The following ABCG2 variants were observed in gnomAD, a reference collection of about 807,000 sequenced individuals.
ABCG2 encodes the protein broad substrate specificity ATP-binding cassette transporter ABCG2.
Under a neutral mutation model 73.5 loss-of-function variants are expected in ABCG2, and 80 were observed. The observed-to-expected ratio is 1.09, with a 90% CI of 0.91 to 1.31. The LOEUF (loss-of-function observed/expected upper bound fraction) is 1.31, where lower values mean the gene tolerates loss of function less well. Ranked by LOEUF, ABCG2 falls within the 50% of genes most tolerant of loss-of-function variation. The pLI is 0.00. For missense variants in ABCG2, 796 were observed against 786.2 expected, an observed-to-expected ratio of 1.01 and a Z score of -0.15; for synonymous variants, 269 against 282.4, an observed-to-expected ratio of 0.95 and a Z score of 0.48.
intron 1 of ABCG2, among the ~76,000 whole-genome samples, chr4:88,176,472 G>A (rs1727980072): frequency 7.4e-6 from 1 of 134,502 alleles, no homozygotes; most frequent in Non-Finnish European, 1.5e-5. Flanking sequence ...AAACCAAAGA[G>A]AATGCTTTTT....
At chr4:88,140,051 G>A in intron 1 of ABCG2, 37 bp from the exon 2 acceptor site, 1 of 1,533,344 alleles carries the variant, frequency 6.5e-7, no homozygotes, top group Non-Finnish European at 8.9e-7. Flanking sequence ...TGATAGTCCA[G>A]ATAAATGAGA....
At chr4:88,093,140 T>C (rs1721750042) in intron 15 of ABCG2, among the ~76,000 whole-genome samples, 1 of 152,214 alleles carries the variant, frequency 6.6e-6, no homozygotes, top group Non-Finnish European at 1.5e-5. Context: ...TACTGCCTGA[T>C]ACCATTTTTG....
At chr4:88,160,538 G>A (rs904591134), upstream of ABCG2, among the ~76,000 whole-genome samples, 6 of 152,054 alleles carry the variant, frequency 3.9e-5, no homozygotes, top group South Asian at 2.1e-4. Flanking sequence ...ATTATGCAAA[G>A]TAAAAACAAA....
intron 1 of ABCG2, among the ~76,000 whole-genome samples, chr4:88,195,026 A>G (rs4560364): frequency 0.84 from 127,874 of 152,228 alleles, 53,904 homozygotes; most frequent in East Asian, 1. Flanking sequence ...CATCATATGA[A>G]TAAAATGAGT....
rs371105649 is a variant in ABCG2, at chr4:88,228,239, A to G, written c.-20+2755T>C. ...CTAGGGGAACTCTATTTTCTACAGTATCAGCTGCAGGAGTAGACAGCCGGA... is the reference window on the plus strand; with the variant it reads ...CTAGGGGAACTCTATTTTCTACAGTGTCAGCTGCAGGAGTAGACAGCCGGA... On this transcript the variant is annotated intron_variant, in intron 1 of 15. Coordinates refer to the ABCG2 transcript ENST00000515655. Among the ~76,000 whole-genome samples, 8 of 152,288 alleles carry G rather than the reference A, an allele frequency of 5.3e-5. No homozygotes were observed. In the East Asian group the frequency reaches 1.4e-3, roughly 26 times the overall value.
At chr4:88,132,232 G>T (rs1293348296) in intron 3 of ABCG2, among the ~76,000 whole-genome samples, 1 of 152,070 alleles carries the variant, frequency 6.6e-6, no homozygotes, top group Non-Finnish European at 1.5e-5. Context: ...ACTAACACAG[G>T]CAATGTGCTC....
At chr4:88,204,997 C>G (rs1729322715) in intron 1 of ABCG2, among the ~76,000 whole-genome samples, 1 of 152,206 alleles carries the variant, frequency 6.6e-6, no homozygotes, top group Admixed American at 6.5e-5. Context: ...ACCAGACTGT[C>G]TTGAACAACT....
intron 1 of ABCG2, among the ~76,000 whole-genome samples, chr4:88,199,264 T>C (rs1729057032): frequency 6.6e-6 from 1 of 152,102 alleles, no homozygotes; most frequent in Non-Finnish European, 1.5e-5. Flanking sequence ...CCACTGCGCC[T>C]GGCCAAAAAC....
chr4:88,201,373 C>T lies in ABCG2; in HGVS notation c.-20+29621G>A, dbSNP rs145370880. Among the ~76,000 whole-genome samples, 312 of 152,162 alleles carry T rather than the reference C, an allele frequency of 2.1e-3. 1 individual carries two copies. Among genetic ancestry groups the T allele is most frequent in the African/African-American group, 7.2e-3 (300 of 41,498 alleles). On this transcript the variant is annotated intron_variant, in intron 1 of 15. Transcript: ENST00000515655. ...AAGGATAGTAACAAAACTATTCTCA[C>T]GAATTTGATAACCTAGATGAAATGG...
chr4:88,140,153 A>G (rs957571205), intron 1 of ABCG2, 139 bp from the exon 2 acceptor site: 1 of 717,690 alleles, frequency 1.4e-6, no homozygotes, highest in African/African-American at 1.8e-5. Context: ...GGCCCATACC[A>G]TTGTGATAAG....
At chr4:88,185,672 T>C (rs904006580) in intron 1 of ABCG2, among the ~76,000 whole-genome samples, 1 of 151,854 alleles carries the variant, frequency 6.6e-6, no homozygotes, top group South Asian at 2.1e-4. Flanking sequence ...AAACTAATAA[T>C]CCAATTTAAA....
upstream of ABCG2, among the ~76,000 whole-genome samples, chr4:88,162,015 G>T (rs575673173): frequency 6.6e-6 from 1 of 151,602 alleles, no homozygotes; most frequent in Admixed American, 6.6e-5. Flanking sequence ...TTTTTGATGG[G>T]GTTGTTTGTT....
In ABCG2 at chr4:88,128,094, A is replaced by C. The variant is rs536413284; in HGVS notation, c.531+2967T>G. 4.5e-4 allele frequency among the ~76,000 whole-genome samples: 68 copies of C among 152,336 alleles called. 1 individual carries two copies. Among genetic ancestry groups the C allele is most frequent in the African/African-American group, 1.5e-3 (64 of 41,566 alleles). On this transcript the variant is annotated intron_variant, in intron 5 of 15. Transcript: ENST00000237612. Reference sequence around the variant, plus strand: ...AAATTTATGAGAAAAACACAACCCCATCAAAAATTGGGCAAAGGATATGAA... The same window carrying C: ...AAATTTATGAGAAAAACACAACCCCCTCAAAAATTGGGCAAAGGATATGAA...
chr4:88,112,727 CA>C (rs925800126), intron 9 of ABCG2, among the ~76,000 whole-genome samples: 6 of 149,412 alleles, frequency 4.0e-5, no homozygotes, highest in South Asian at 4.2e-4. Flanking sequence ...CACAATTTCC[CA>C]AAAAAAAAAT....
intron 1 of ABCG2, among the ~76,000 whole-genome samples, chr4:88,171,163 G>A (rs924078480): frequency 6.6e-6 from 1 of 151,580 alleles, no homozygotes; most frequent in Non-Finnish European, 1.5e-5. Flanking sequence ...AATAACTTGG[G>A]TACTGGGCTT....
At chr4:88,172,559 C>T (rs1727797094) in intron 1 of ABCG2, among the ~76,000 whole-genome samples, 1 of 128,034 alleles carries the variant, frequency 7.8e-6, no homozygotes, top group Non-Finnish European at 1.6e-5. Flanking sequence ...GCCTGGGAGA[C>T]AGAGCAAGAC....
intron 1 of ABCG2, among the ~76,000 whole-genome samples, chr4:88,167,370 C>CT (rs551648302): frequency 0.43 from 43,190 of 101,462 alleles, 11,109 homozygotes; most frequent in African/African-American, 0.53. Flanking sequence ...TCCCTTCTGC[C>CT]TTTTTTTTTT....
At position 88,215,775 on chromosome 4, in the gene ABCG2, A is replaced by G. The variant is rs554687213; in HGVS notation, c.-20+15219T>C. ...ATGGATGATGGGGTCCTGAAAAATCATTAATTCGCTGCTTCCTAAGATGCT... is the reference window on the plus strand; with the variant it reads ...ATGGATGATGGGGTCCTGAAAAATCGTTAATTCGCTGCTTCCTAAGATGCT... On this transcript the variant is annotated intron_variant, in intron 1 of 15. Coordinates refer to the ABCG2 transcript ENST00000515655. 2.0e-5 allele frequency among the ~76,000 whole-genome samples: 3 copies of G among 152,320 alleles called. No homozygotes were observed. In the South Asian group the frequency reaches 6.2e-4, roughly 32 times the overall value.
Position 88,131,140 on chromosome 4 carries a change from G to A in ABCG2, c.452C>T (p.Thr151Ile). The change falls in exon 5 of 16, where the codon ACT (threonine) becomes ATT (isoleucine). Residue 151 changes from threonine to isoleucine, a missense_variant. Physicochemically the swap from Thr to Ile is moderately conservative, Grantham distance 89. Transcript: ENST00000237612. ...QFSAALRLAT[T>I]MTNHEKNERI... ...TTCGTTTTTTTCATGATTCGTCATA[G>A]TTGTTGCAAGCCGAAGAGCTGCTGA... 1 of 1,614,026 alleles carries A rather than the reference G, an allele frequency of 6.2e-7. No individual in the cohort carries two copies. The highest frequency in any genetic ancestry group is 8.5e-7 in the Non-Finnish European group (1 of 1,180,004).
Sources: gnomAD v4.1 joint callset for allele counts (sites outside exome capture counted in the v4.1 genomes callset) on GRCh38, gnomAD v4.1.1 for gene constraint, MANE v1.5 for transcripts, NCBI Gene and HGNC (gene_info 2026-07-23, HGNC 2026-07-21) for gene names.